MCTP2: variants seen among roughly 807,000 people sequenced by gnomAD.
MCTP2 encodes the protein multiple C2 and transmembrane domain containing 2, also known as multiple C2 and transmembrane domain-containing protein 2.
A neutral mutation model predicts 111.6 loss-of-function variants in MCTP2; 132 were observed. The ratio of observed to expected loss-of-function variants is 1.18; its 90% CI spans 1.03 to 1.37. MCTP2 has a LOEUF of 1.37. MCTP2 is among the 40% of genes most tolerant of loss of function. MCTP2 has a pLI of 0.00. For missense variants in MCTP2, 1,183 were observed against 1,067.9 expected, an observed-to-expected ratio of 1.11 and a Z score of -1.50; for synonymous variants, 395 against 387.7, an observed-to-expected ratio of 1.02 and a Z score of -0.22.
chr15:94,465,771 T>C (rs1393686115), intron 20 of MCTP2, among the ~76,000 whole-genome samples: 1 of 148,750 alleles, frequency 6.7e-6, no homozygotes, highest in African/African-American at 2.5e-5. Flanking sequence ...TTCCGTGTCT[T>C]TTTATTTCTT....
intron 4 of MCTP2, among the ~76,000 whole-genome samples, chr15:94,337,497 T>G (rs2077417844): frequency 1.3e-5 from 2 of 151,874 alleles, no homozygotes; most frequent in Admixed American, 1.3e-4. Flanking sequence ...TTCCCCCACT[T>G]TTTTATATAT....
At chr15:94,365,447 A>G (rs1211152039) in intron 10 of MCTP2, among the ~76,000 whole-genome samples, 1 of 152,184 alleles carries the variant, frequency 6.6e-6, no homozygotes, top group East Asian at 1.9e-4. Context: ...GAAAATGTGT[A>G]ATTTTGAGAA....
chr15:94,416,894 T>C (rs1275645852), intron 17 of MCTP2, among the ~76,000 whole-genome samples: 1 of 152,184 alleles, frequency 6.6e-6, no homozygotes, highest in Non-Finnish European at 1.5e-5. Flanking sequence ...CCCTCCCATT[T>C]CTACCACTAC....
chr15:94,405,169 TTTC>T (rs1310629053), intron 17 of MCTP2, among the ~76,000 whole-genome samples: 16 of 152,178 alleles, frequency 1.1e-4, no homozygotes, highest in African/African-American at 3.6e-4. Flanking sequence ...TGGTGGGGCT[TTTC>T]TTCTTGTGAC....
intron 1 of MCTP2, among the ~76,000 whole-genome samples, chr15:94,236,078 A>G (rs2070518422): frequency 6.6e-6 from 1 of 152,202 alleles, no homozygotes; most frequent in Non-Finnish European, 1.5e-5. Flanking sequence ...TGCAAATACC[A>G]TTTCCCATAG....
chr15:94,321,052 A>G (rs1037638785), intron 4 of MCTP2, among the ~76,000 whole-genome samples: 6 of 152,198 alleles, frequency 3.9e-5, no homozygotes, highest in Non-Finnish European at 8.8e-5. Context: ...GTTAAGTAAA[A>G]TAAGTCAGGC....
chr15:94,439,642 G>C (rs2152509303), intron 17 of MCTP2, among the ~76,000 whole-genome samples: 1 of 152,170 alleles, frequency 6.6e-6, no homozygotes, highest in African/African-American at 2.4e-5. Flanking sequence ...ACAGAAATTG[G>C]GCAGCTAAGG....
intron 19 of MCTP2, among the ~76,000 whole-genome samples, chr15:94,452,374 G>A (rs1021430296): frequency 1.4e-4 from 21 of 152,150 alleles, no homozygotes; most frequent in Admixed American, 1.2e-3. Context: ...AACAAAGACC[G>A]TAGTCAGCAT....
intron 10 of MCTP2, among the ~76,000 whole-genome samples, chr15:94,366,834 A>G (rs1292192085): frequency 6.6e-6 from 1 of 152,210 alleles, no homozygotes; most frequent in Non-Finnish European, 1.5e-5. Context: ...TGTTAAGGCA[A>G]ATAAATGGCT....
intron 4 of MCTP2, among the ~76,000 whole-genome samples, chr15:94,332,549 T>G: frequency 6.6e-6 from 1 of 152,348 alleles, no homozygotes; most frequent in Non-Finnish European, 1.5e-5. Context: ...AGTAAATAAT[T>G]GTTGACTTGA....
intron 1 of MCTP2, among the ~76,000 whole-genome samples, chr15:94,253,727 GTC>G (rs1199783796): frequency 1.4e-5 from 2 of 147,280 alleles, no homozygotes; most frequent in East Asian, 4.2e-4. Context: ...CTCTCTTAAA[GTC>G]TCTCTTTTTT....
In MCTP2 at chr15:94,314,267, T is replaced by TC. The variant is rs1479991780; in HGVS notation, c.466-14dup. ...TGCTTTTGTAAAGCAGATTTTTTTT[T>TC]CTTTTTCTTTGCAGAAGCTATGTGG... On this transcript the variant is annotated splice_polypyrimidine_tract_variant and intron_variant, in intron 2 of 22. Coordinates refer to ENST00000357742, the MANE Select transcript of MCTP2 (RefSeq NM_001385001.1). 6.3e-7 allele frequency: 1 copy of TC among 1,596,352 alleles called. No homozygotes were observed. The highest frequency in any genetic ancestry group is 1.7e-5 in the Admixed American group (1 of 57,966).
chr15:94,430,393 T>TCTCACACACA (rs574251105), intron 17 of MCTP2, among the ~76,000 whole-genome samples: 1 of 107,184 alleles, frequency 9.3e-6, no homozygotes, highest in African/African-American at 3.7e-5. Context: ...CCAAAAACAA[T>TCTCACACACA]CACACACACA....
intron 10 of MCTP2, among the ~76,000 whole-genome samples, chr15:94,364,620 AAC>A (rs926064165): frequency 3.9e-5 from 6 of 152,202 alleles, no homozygotes; most frequent in African/African-American, 1.4e-4. Context: ...CTAAGAAAAA[AAC>A]ACAAAAAGCC....
At chr15:94,289,352 A>G (rs1157915450) in intron 1 of MCTP2, among the ~76,000 whole-genome samples, 1 of 152,242 alleles carries the variant, frequency 6.6e-6, no homozygotes, top group Admixed American at 6.5e-5. Context: ...AAAGAAAAGT[A>G]TAGAATTCAA....
intron 1 of MCTP2, among the ~76,000 whole-genome samples, chr15:94,270,560 C>G (rs886750672): frequency 6.6e-6 from 1 of 152,112 alleles, no homozygotes; most frequent in Non-Finnish European, 1.5e-5. Context: ...TGGTCCCCCT[C>G]TCTGGCTCTC....
At chr15:94,338,625 C>T (rs2077483762) in intron 4 of MCTP2, among the ~76,000 whole-genome samples, 1 of 151,862 alleles carries the variant, frequency 6.6e-6, no homozygotes, top group Non-Finnish European at 1.5e-5. Context: ...TCAAAGCTCC[C>T]AGGGAGGAGC....
intron 17 of MCTP2, among the ~76,000 whole-genome samples, chr15:94,424,143 A>C (rs1301323520): frequency 1.3e-5 from 2 of 152,184 alleles, no homozygotes; most frequent in African/African-American, 4.8e-5. Context: ...AAAAAAATTT[A>C]TATCTTATTC....
At chr15:94,298,160 T>TTTG in intron 1 of MCTP2, 41 bp from the exon 2 acceptor site, 1 of 870,780 alleles carries the variant, frequency 1.1e-6, no homozygotes, top group Non-Finnish European at 1.7e-6. Context: ...TGTTTTTTTT[T>TTTG]TTTGTTTGTT....
Sources: gnomAD v4.1 joint callset for allele counts (sites outside exome capture counted in the v4.1 genomes callset) on GRCh38, gnomAD v4.1.1 for gene constraint, MANE v1.5 for transcripts, NCBI Gene and HGNC (gene_info 2026-07-23, HGNC 2026-07-21) for gene names.